The following DOCK3 variants were observed in gnomAD, a reference collection of about 807,000 sequenced individuals.
The protein encoded by DOCK3 is dedicator of cytokinesis 3, also known as dedicator of cytokinesis protein 3.
A neutral mutation model predicts 265.6 loss-of-function variants in DOCK3; 60 were observed. The observed-to-expected ratio is 0.23, with a 90% CI of 0.18 to 0.28. The LOEUF (loss-of-function observed/expected upper bound fraction) is 0.28. DOCK3 is among the 10% of genes least tolerant of loss of function. The pLI is 1.00. For missense variants in DOCK3, 1,981 were observed against 2,594.3 expected (o/e 0.76, Z 5.14); for synonymous variants, 881 against 938.0 (o/e 0.94, Z 1.11).
chr3:51,113,031 AATATTC>A (rs2083586309), intron 9 of DOCK3, among the ~76,000 whole-genome samples: 1 of 142,488 alleles, frequency 7.0e-6, no homozygotes, highest in Non-Finnish European at 1.6e-5. Context: ...TTATATCTAT[AATATTC>A]TTCTTGTTTA....
chr3:51,045,653 A>AT (rs1369441194), intron 5 of DOCK3, among the ~76,000 whole-genome samples: 1 of 152,122 alleles, frequency 6.6e-6, no homozygotes, highest in African/African-American at 2.4e-5. Context: ...GGGCAGGTCT[A>AT]TTTTTATTTC....
intron 5 of DOCK3, among the ~76,000 whole-genome samples, chr3:51,000,739 G>A (rs2078452895): frequency 1.3e-5 from 2 of 151,986 alleles, no homozygotes; most frequent in Admixed American, 6.6e-5. Context: ...TGCAACCTCC[G>A]CCTCCTGGGT....
chr3:51,074,378 C>A (rs897104267), intron 6 of DOCK3, among the ~76,000 whole-genome samples: 11 of 152,164 alleles, frequency 7.2e-5, no homozygotes, highest in African/African-American at 2.7e-4. Flanking sequence ...AAATTACATA[C>A]CATTTTGAAC....
intron 27 of DOCK3, among the ~76,000 whole-genome samples, chr3:51,303,868 T>C (rs774363257): frequency 1.1e-4 from 17 of 152,166 alleles, no homozygotes; most frequent in Non-Finnish European, 2.4e-4. Context: ...GCAACCCTTA[T>C]TGGAGGGTCT....
At chr3:51,249,695 T>G (rs1576537272) in intron 22 of DOCK3, among the ~76,000 whole-genome samples, 1 of 116,638 alleles carries the variant, frequency 8.6e-6, no homozygotes, top group Non-Finnish European at 1.8e-5. Flanking sequence ...GTCCGGGAGG[T>G]GAGGGGCGCC....
intron 4 of DOCK3, among the ~76,000 whole-genome samples, chr3:50,930,889 C>T (rs7427526): frequency 0.035 from 5,263 of 152,278 alleles, 728 homozygotes; most frequent in East Asian, 0.33. Context: ...TCACTTCCCC[C>T]GAAGCGTGGC....
intron 2 of DOCK3, among the ~76,000 whole-genome samples, chr3:50,788,798 CAG>C (rs1371560123): frequency 2.4e-5 from 2 of 83,518 alleles, no homozygotes; most frequent in Non-Finnish European, 4.9e-5. Flanking sequence ...GGGAGGGAGG[CAG>C]GGGAGGGGGG....
chr3:51,128,885 G>A (rs2084385902), intron 9 of DOCK3, among the ~76,000 whole-genome samples: 2 of 152,172 alleles, frequency 1.3e-5, no homozygotes, highest in South Asian at 2.1e-4. Context: ...GTGTGATGAC[G>A]GGGATGGCTA....
intron 1 of DOCK3, among the ~76,000 whole-genome samples, chr3:50,680,512 CTTTTTTTTTTTT>C (rs3066820): frequency 1.4e-5 from 1 of 72,944 alleles, no homozygotes; most frequent in African/African-American, 5.8e-5. Context: ...CCGTGCCCTG[CTTTTTTTTTTTT>C]TTTTTTTTTT....
chr3:51,369,942 T>C (rs908816909), intron 49 of DOCK3, among the ~76,000 whole-genome samples: 1 of 152,186 alleles, frequency 6.6e-6, no homozygotes. Flanking sequence ...CCCATTCCAC[T>C]GCCCATATTG....
intron 28 of DOCK3, among the ~76,000 whole-genome samples, chr3:51,311,600 G>A (rs111827094): frequency 0.013 from 2,043 of 152,272 alleles, 55 homozygotes; most frequent in African/African-American, 0.045. Flanking sequence ...ATCCTACAAA[G>A]TGATCATAAT....
intron 32 of DOCK3, among the ~76,000 whole-genome samples, chr3:51,319,216 T>A (rs1346136470): frequency 6.6e-6 from 1 of 152,158 alleles, no homozygotes; most frequent in Non-Finnish European, 1.5e-5. Context: ...TAGCTCTAAG[T>A]TTTTTATAGA....
intron 1 of DOCK3, among the ~76,000 whole-genome samples, chr3:50,691,283 C>CAA (rs371533246): frequency 9.3e-5 from 6 of 64,314 alleles, no homozygotes; most frequent in East Asian, 8.8e-4. Context: ...GACTCTGTCT[C>CAA]AAAAAAAAAA....
chr3:51,182,014 A>T (rs879747343), intron 12 of DOCK3, among the ~76,000 whole-genome samples: 14 of 152,146 alleles, frequency 9.2e-5, no homozygotes, highest in South Asian at 2.1e-4. Context: ...TGTTAAAAAA[A>T]TTTTTTGTAG....
intron 7 of DOCK3, among the ~76,000 whole-genome samples, chr3:51,079,814 A>G (rs1337243562): frequency 6.6e-6 from 1 of 152,214 alleles, no homozygotes; most frequent in Non-Finnish European, 1.5e-5. Context: ...AATCTTAGCC[A>G]TGCATCTTTG....
chr3:51,207,808 G>A (rs1187997649), intron 12 of DOCK3, among the ~76,000 whole-genome samples: 1 of 152,038 alleles, frequency 6.6e-6, no homozygotes, highest in Non-Finnish European at 1.5e-5. Context: ...CTTTTTGCAT[G>A]GGTCCTATTT....
At chr3:51,140,364 A>T (rs1295909680) in intron 9 of DOCK3, among the ~76,000 whole-genome samples, 1 of 152,206 alleles carries the variant, frequency 6.6e-6, no homozygotes, top group Non-Finnish European at 1.5e-5. Flanking sequence ...GTGTGGTCTT[A>T]TGTGATTGGC....
chr3:51,111,409 A>C (rs1312851885), intron 9 of DOCK3, among the ~76,000 whole-genome samples: 1 of 152,202 alleles, frequency 6.6e-6, no homozygotes, highest in Non-Finnish European at 1.5e-5. Context: ...CAGAATAGAG[A>C]GACCAGAAAT....
intron 1 of DOCK3, among the ~76,000 whole-genome samples, chr3:50,749,169 C>T (rs1444792257): frequency 6.6e-6 from 1 of 152,070 alleles, no homozygotes; most frequent in East Asian, 1.9e-4. Flanking sequence ...TATAGTTTTT[C>T]TAGGTATAGC....
Sources: allele counts gnomAD v4.1 joint callset (sites outside exome capture counted in the v4.1 genomes callset), GRCh38; gene constraint gnomAD v4.1.1; transcripts MANE v1.5; gene names NCBI Gene and HGNC (gene_info 2026-07-23, HGNC 2026-07-21).